Variants in ZNF536 observed in about 807,000 individuals in gnomAD.
ZNF536 encodes the protein zinc finger protein 536.
ZNF536 carries 13 observed loss-of-function variants against 84.5 expected under a neutral mutation model. The observed-to-expected ratio is 0.15, with a 90% CI of 0.10 to 0.24. The LOEUF (loss-of-function observed/expected upper bound fraction) is 0.24, where lower values mean the gene tolerates loss of function less well. Ranked by LOEUF, ZNF536 falls within the 10% of genes least tolerant of loss-of-function variation. ZNF536 has a pLI of 1.00. For synonymous variants in ZNF536, 811 were observed against 742.5 expected, an observed-to-expected ratio of 1.09 and a Z score of -1.50; for missense variants, 1,536 against 1,747.5, an observed-to-expected ratio of 0.88 and a Z score of 2.16.
At chr19:30,508,820 C>CTTTTTTTTTTTTTTTTTTTTTTTTTTTTT in intron 2 of ZNF536, among the ~76,000 whole-genome samples, 1 of 68,770 alleles carries the variant, frequency 1.5e-5, no homozygotes, top group Non-Finnish European at 2.7e-5. Flanking sequence ...TTCTTTCTTT[C>CTTTTTTTTTTTTTTTTTTTTTTTTTTTTT]TTTTTTTTTT....
intron 2 of ZNF536, among the ~76,000 whole-genome samples, chr19:30,344,292 C>T: frequency 3.1e-5 from 1 of 31,836 alleles, no homozygotes; most frequent in Admixed American, 3.8e-4. Flanking sequence ...TACACACACA[C>T]ACACAAATAT....
upstream of ZNF536, among the ~76,000 whole-genome samples, chr19:30,368,621 T>C (rs954960548): frequency 1.3e-5 from 2 of 152,224 alleles, no homozygotes; most frequent in Non-Finnish European, 2.9e-5. Context: ...TATTTTTACA[T>C]GAAACTCAAC....
chr19:30,226,587 G>T (rs1422032534), upstream of ZNF536, among the ~76,000 whole-genome samples: 1 of 152,042 alleles, frequency 6.6e-6, no homozygotes, highest in African/African-American at 2.4e-5. The surrounding 1 kb of genome is among the most constrained non-coding windows in gnomAD (Gnocchi z 4.6). Flanking sequence ...CCCAGGAAAG[G>T]CCGTGGCGCC....
intron 1 of ZNF536, among the ~76,000 whole-genome samples, chr19:30,567,203 CTCA>C: frequency 6.6e-6 from 1 of 152,234 alleles, no homozygotes; most frequent in Non-Finnish European, 1.5e-5. Context: ...GCCCGCCAGG[CTCA>C]TGTCAGGAGA....
intron 1 of ZNF536, among the ~76,000 whole-genome samples, chr19:30,628,639 C>T (rs889370662): frequency 1.3e-5 from 2 of 152,030 alleles, no homozygotes; most frequent in African/African-American, 4.8e-5. Context: ...CCATGTTAGC[C>T]AGGATGGTCT....
chr19:30,463,468 C>T lies in ZNF536; in HGVS notation c.2170+17736C>T, dbSNP rs759951. Among the ~76,000 whole-genome samples, 8 of 152,256 alleles carry T rather than the reference C, an allele frequency of 5.3e-5. No individual in the cohort carries two copies. In the East Asian group the frequency reaches 1.2e-3, roughly 22 times the overall value. ...CTGGGGCTTGAGGCTCTGGGGTCCC[C>T]ATTCAGGGAGCCTCTGTTCTGGAGC... is the stretch of plus-strand genomic sequence containing the variant. On this transcript the variant is annotated intron_variant, in intron 2 of 4. Coordinates refer to ENST00000355537, the MANE Select transcript of ZNF536 (RefSeq NM_014717.3).
At chr19:30,523,504 G>C (rs944651961) in intron 2 of ZNF536, among the ~76,000 whole-genome samples, 1 of 152,046 alleles carries the variant, frequency 6.6e-6, no homozygotes, top group African/African-American at 2.4e-5. Context: ...AAACCTCTCC[G>C]CTTATTCTGT....
intron 1 of ZNF536, among the ~76,000 whole-genome samples, chr19:30,660,732 A>G (rs958578818): frequency 3.3e-5 from 5 of 152,206 alleles, no homozygotes; most frequent in Non-Finnish European, 2.9e-5. Context: ...TCAAGGCCAT[A>G]TGGCCTGAGT....
At chr19:30,564,818 G>C (rs1255042903) in intron 1 of ZNF536, among the ~76,000 whole-genome samples, 1 of 152,188 alleles carries the variant, frequency 6.6e-6, no homozygotes, top group East Asian at 1.9e-4. Context: ...CCTTCACTGG[G>C]TGCAGATGGG....
At chr19:30,376,013 TGA>T (rs1189163744) in intron 1 of ZNF536, among the ~76,000 whole-genome samples, 1 of 152,100 alleles carries the variant, frequency 6.6e-6, no homozygotes, top group Non-Finnish European at 1.5e-5. Flanking sequence ...GCATGGGTGA[TGA>T]GTGTGTGAAT....
intron 4 of ZNF536, among the ~76,000 whole-genome samples, chr19:30,551,683 G>A (rs554556471): frequency 1.3e-5 from 2 of 152,276 alleles, no homozygotes; most frequent in East Asian, 3.9e-4. Flanking sequence ...TTCCACTCCT[G>A]GGAAGATGCT....
At chr19:30,230,059 C>CT (rs2022919721) in intron 1 of ZNF536, among the ~76,000 whole-genome samples, 1 of 152,212 alleles carries the variant, frequency 6.6e-6, no homozygotes, top group South Asian at 2.1e-4. Flanking sequence ...GGCAGGGACT[C>CT]TGAGACCATT....
intron 1 of ZNF536, among the ~76,000 whole-genome samples, chr19:30,245,153 G>A (rs1211202334): frequency 1.3e-5 from 2 of 152,084 alleles, no homozygotes; most frequent in Non-Finnish European, 2.9e-5. Context: ...CTCTGCATGG[G>A]ACCCCCTCAT....
At chr19:30,422,876 TCCA>T (rs1482087310) in intron 1 of ZNF536, among the ~76,000 whole-genome samples, 4 of 122,606 alleles carry the variant, frequency 3.3e-5, no homozygotes, top group African/African-American at 1.3e-4. Context: ...CATCCATCCA[TCCA>T]TCCATCCATG....
intron 1 of ZNF536, among the ~76,000 whole-genome samples, chr19:30,569,366 G>A (rs1009755248): frequency 6.6e-6 from 1 of 151,824 alleles, no homozygotes. Context: ...GTTCTTGGGG[G>A]AGGTGTTTGG....
intron 2 of ZNF536, among the ~76,000 whole-genome samples, chr19:30,459,507 A>G (rs1346113215): frequency 1.3e-5 from 2 of 151,808 alleles, no homozygotes; most frequent in East Asian, 3.9e-4. Context: ...CATCCCATCA[A>G]GCCTGGCTAA....
chr19:30,658,457 G>A lies in ZNF536; in HGVS notation c.170-52300G>A, dbSNP rs544254900. The stretch of plus-strand genomic sequence containing the variant: ...AGATCTTCTCTCCGATCTTTAAATC[G>A]GTATCCCAGCTCTTTGCTGACACCT... On this transcript the variant is annotated intron_variant, in intron 1 of 1. Coordinates refer to the ZNF536 transcript ENST00000592773. Among the ~76,000 whole-genome samples the A allele has an allele frequency of 1.1e-4, 17 of 152,044 alleles. No homozygotes were observed. In the South Asian group the frequency reaches 2.9e-3, roughly 26 times the overall value.
chr19:30,359,329 C>T (rs918047024), intron 3 of ZNF536, among the ~76,000 whole-genome samples: 4 of 152,132 alleles, frequency 2.6e-5, no homozygotes, highest in African/African-American at 9.7e-5. Context: ...CCCTGAGCTG[C>T]CCCCGGGACA....
intron 1 of ZNF536, among the ~76,000 whole-genome samples, chr19:30,240,129 G>C (rs1414495437): frequency 6.6e-6 from 1 of 152,146 alleles, no homozygotes; most frequent in Non-Finnish European, 1.5e-5. Context: ...AACACTTTGA[G>C]AGGCCGAGGC....
Sources: allele counts gnomAD v4.1 joint callset (sites outside exome capture counted in the v4.1 genomes callset), GRCh38; gene constraint gnomAD v4.1.1; non-coding constraint Gnocchi (gnomAD v3.1); transcripts MANE v1.5; gene names NCBI Gene and HGNC (gene_info 2026-07-23, HGNC 2026-07-21).